The following SH3GL2 variants were observed in gnomAD, a reference collection of about 807,000 sequenced individuals.
SH3GL2 encodes the protein endophilin-A1.
SH3GL2 carries 24 observed loss-of-function variants against 46.0 expected under a neutral mutation model. That is an observed-to-expected ratio of 0.52 (90% confidence interval 0.38 to 0.73). The LOEUF is 0.73. SH3GL2 is among the 30% of genes least tolerant of loss of function. SH3GL2 has a pLI of 0.00. For missense variants in SH3GL2, 413 were observed against 424.2 expected (o/e 0.97, Z 0.23); for synonymous variants, 196 against 147.1 (o/e 1.33, Z -2.40).
At chr9:17,744,605 C>T (rs912067539) in intron 1 of SH3GL2, among the ~76,000 whole-genome samples, 18 of 152,056 alleles carry the variant, frequency 1.2e-4, no homozygotes, top group Non-Finnish European at 5.9e-5. Context: ...TGGGCTCAAG[C>T]GATCCTCCTG....
chr9:17,625,022 C>A (rs1337730213), intron 1 of SH3GL2, among the ~76,000 whole-genome samples: 3 of 152,158 alleles, frequency 2.0e-5, no homozygotes, highest in Non-Finnish European at 4.4e-5. Flanking sequence ...TGTTTGTAAA[C>A]CTTGGCTAGA....
At chr9:17,683,551 A>T (rs1820828688) in intron 1 of SH3GL2, among the ~76,000 whole-genome samples, 1 of 151,790 alleles carries the variant, frequency 6.6e-6, no homozygotes, top group Non-Finnish European at 1.5e-5. Context: ...AGATCTCCTA[A>T]CATTGTGGGA....
intron 2 of SH3GL2, among the ~76,000 whole-genome samples, chr9:17,755,579 G>A (rs1412286325): frequency 6.6e-6 from 1 of 152,188 alleles, no homozygotes; most frequent in Non-Finnish European, 1.5e-5. Context: ...TGGGGTAACA[G>A]ACATGGGCCA....
chr9:17,716,616 C>T (rs1269983264), intron 1 of SH3GL2, among the ~76,000 whole-genome samples: 1 of 152,174 alleles, frequency 6.6e-6, no homozygotes, highest in Non-Finnish European at 1.5e-5. Context: ...TTAGTTTCCT[C>T]ACATGCATGT....
In SH3GL2 at chr9:17,796,396, T is replaced by A. The variant is rs1824274942; in HGVS notation, c.*653T>A. On this transcript the variant is annotated 3_prime_UTR_variant, in exon 9 of 9. Transcript: ENST00000380607. ...TAAAGCCAGAGCGGTAATTCCAAAT[T>A]ATTTTTCAGTAAGACAGTTAATCAG... is the stretch of plus-strand genomic sequence containing the variant. 6.6e-6 allele frequency: 1 copy of A among 152,496 alleles called. No homozygotes were observed. Among genetic ancestry groups the A allele is most frequent in the South Asian group, 2.1e-4 (1 of 4,832 alleles). The allele number at this position is 152,496 out of a possible 1,614,324, so 9.4% of individuals were successfully genotyped here. A position where few individuals can be genotyped will look rare whatever the true frequency, so the allele number is the denominator to read the frequency against.
intron 1 of SH3GL2, among the ~76,000 whole-genome samples, chr9:17,655,391 C>T (rs1215908098): frequency 6.6e-6 from 1 of 152,106 alleles, no homozygotes; most frequent in African/African-American, 2.4e-5. Context: ...CCACCCCTGC[C>T]CCCTGCTCAT....
At chr9:17,631,206 G>T (rs139592969) in intron 1 of SH3GL2, among the ~76,000 whole-genome samples, 1,531 of 152,250 alleles carry the variant, frequency 0.01, 27 homozygotes, top group African/African-American at 0.034. Flanking sequence ...TTCATCAACG[G>T]AGCAGTTTCC....
chr9:17,612,348 T>C (rs540972909), intron 1 of SH3GL2, among the ~76,000 whole-genome samples: 2 of 152,310 alleles, frequency 1.3e-5, no homozygotes, highest in South Asian at 2.1e-4. Flanking sequence ...TACACTCTTT[T>C]TGTGTGGGAC....
chr9:17,609,049 A>T (rs1818812941), intron 1 of SH3GL2, among the ~76,000 whole-genome samples: 2 of 152,150 alleles, frequency 1.3e-5, no homozygotes, highest in African/African-American at 4.8e-5. Flanking sequence ...GGAATGGGGG[A>T]TCCAGAGCTG....
chr9:17,776,427 A>G (rs1197124911), intron 3 of SH3GL2, among the ~76,000 whole-genome samples: 3 of 151,982 alleles, frequency 2.0e-5, no homozygotes, highest in Non-Finnish European at 1.5e-5. Context: ...GACATTTTAC[A>G]CTTTTCCAGA....
rs1018902816 is a variant in SH3GL2, at chr9:17,583,734, C to T, written c.45+4447C>T. 2.0e-5 allele frequency among the ~76,000 whole-genome samples: 3 copies of T among 152,078 alleles called. No homozygotes were observed. In the East Asian group the frequency reaches 5.8e-4, roughly 29 times the overall value. ...TATGTTTATTTGTCACACTCAGATTCCTTAACTGGGAAAATTTCATCATGT... is the reference window on the plus strand; with the variant it reads ...TATGTTTATTTGTCACACTCAGATTTCTTAACTGGGAAAATTTCATCATGT... On this transcript the variant is annotated intron_variant, in intron 1 of 8. Transcript: ENST00000380607.
chr9:17,680,804 T>C (rs764827460), intron 1 of SH3GL2, among the ~76,000 whole-genome samples: 1 of 152,222 alleles, frequency 6.6e-6, no homozygotes, highest in Non-Finnish European at 1.5e-5. Flanking sequence ...GCTTTAAATG[T>C]GTCCCAGAGA....
At chr9:17,665,803 T>G (rs772568226) in intron 1 of SH3GL2, among the ~76,000 whole-genome samples, 2 of 151,204 alleles carry the variant, frequency 1.3e-5, no homozygotes, top group South Asian at 4.2e-4. Context: ...TGTCATAACT[T>G]TTAGGTCTTC....
intron 1 of SH3GL2, among the ~76,000 whole-genome samples, chr9:17,615,119 G>A (rs1479225669): frequency 5.3e-5 from 8 of 152,258 alleles, no homozygotes; most frequent in African/African-American, 1.9e-4. Flanking sequence ...TAAGTTACTG[G>A]TAGGACCCAC....
intron 1 of SH3GL2, among the ~76,000 whole-genome samples, chr9:17,719,017 A>T (rs573055561): frequency 6.6e-6 from 1 of 152,270 alleles, no homozygotes; most frequent in Non-Finnish European, 1.5e-5. Context: ...ATGAGTTAAA[A>T]TGGTTCTGTT....
At chr9:17,681,705 A>C (rs1820771921) in intron 1 of SH3GL2, among the ~76,000 whole-genome samples, 1 of 152,160 alleles carries the variant, frequency 6.6e-6, no homozygotes, top group Non-Finnish European at 1.5e-5. Flanking sequence ...TGGCAAATGG[A>C]GGATCTCATT....
intron 1 of SH3GL2, among the ~76,000 whole-genome samples, chr9:17,581,730 C>T (rs951120078): frequency 6.6e-6 from 1 of 152,066 alleles, no homozygotes; most frequent in Admixed American, 6.6e-5. Context: ...CAAAGTTTGA[C>T]TCTTGTCGCC....
chr9:17,631,239 C>T (rs1034185666), intron 1 of SH3GL2, among the ~76,000 whole-genome samples: 6 of 152,144 alleles, frequency 3.9e-5, no homozygotes, highest in Non-Finnish European at 8.8e-5. Flanking sequence ...AAACATTGTT[C>T]TATGTTTTCT....
At chr9:17,788,085 G>T (rs966952119) in intron 5 of SH3GL2, among the ~76,000 whole-genome samples, 1 of 152,148 alleles carries the variant, frequency 6.6e-6, no homozygotes, top group Non-Finnish European at 1.5e-5. Flanking sequence ...GTCTTTGAGT[G>T]TGGAATGTTT....
Sources: allele counts gnomAD v4.1 joint callset (sites outside exome capture counted in the v4.1 genomes callset), GRCh38; gene constraint gnomAD v4.1.1; transcripts MANE v1.5; gene names NCBI Gene and HGNC (gene_info 2026-07-23, HGNC 2026-07-21).